SLC25A48: variants seen among roughly 807,000 people sequenced by gnomAD.
SLC25A48 encodes CTC-321K16.1.
Under a neutral mutation model 32.2 loss-of-function variants are expected in SLC25A48, and 29 were observed. That is an observed-to-expected ratio of 0.90 (90% CI 0.67 to 1.23). SLC25A48 has a LOEUF of 1.23. Among genes scored for constraint, SLC25A48 ranks in the 50% most tolerant of loss-of-function variants. The pLI, the probability that SLC25A48 is intolerant of heterozygous loss-of-function variation, is 0.00. For missense variants in SLC25A48, 399 were observed against 422.7 expected (o/e 0.94, Z 0.49); for synonymous variants, 164 against 172.3 (o/e 0.95, Z 0.38).
At chr5:135,622,483 TG>T (rs1752346870) in intron 1 of SLC25A48, among the ~76,000 whole-genome samples, 1 of 152,240 alleles carries the variant, frequency 6.6e-6, no homozygotes, top group African/African-American at 2.4e-5. Flanking sequence ...GAATACTCTG[TG>T]GTCATTAGAA....
At chr5:135,832,298 T>A (rs564305333), upstream of SLC25A48, among the ~76,000 whole-genome samples, 1 of 151,818 alleles carries the variant, frequency 6.6e-6, no homozygotes, top group South Asian at 2.1e-4. Flanking sequence ...GGGAAGAAGA[T>A]GAGAAGAGCT....
intron 1 of SLC25A48, among the ~76,000 whole-genome samples, chr5:135,619,256 T>G (rs1331350631): frequency 1.3e-5 from 2 of 151,996 alleles, no homozygotes; most frequent in Non-Finnish European, 2.9e-5. Context: ...CTTCATGTTC[T>G]GAGTTTCTTT....
chr5:135,709,478 T>C (rs1213172317), intron 3 of SLC25A48, among the ~76,000 whole-genome samples: 1 of 152,192 alleles, frequency 6.6e-6, no homozygotes, highest in East Asian at 1.9e-4. Flanking sequence ...TCTAAATTCT[T>C]ACACCCCACC....
At chr5:135,647,933 G>C (rs1001697711) in intron 3 of SLC25A48, among the ~76,000 whole-genome samples, 5 of 152,116 alleles carry the variant, frequency 3.3e-5, no homozygotes, top group Admixed American at 2.0e-4. Context: ...CCTTGGGCCT[G>C]TGGTTGTAGA....
intron 3 of SLC25A48, among the ~76,000 whole-genome samples, chr5:135,651,725 T>C (rs1753118699): frequency 6.6e-6 from 1 of 152,368 alleles, no homozygotes; most frequent in Non-Finnish European, 1.5e-5. Flanking sequence ...GTGGTTTCTT[T>C]GTCCTCATTG....
chr5:135,787,819 A>G (rs1477308235), intron 3 of SLC25A48, among the ~76,000 whole-genome samples: 1 of 142,326 alleles, frequency 7.0e-6, no homozygotes, highest in Non-Finnish European at 1.6e-5. Context: ...CAGCTGGTGT[A>G]CATTTTTTGA....
intron 3 of SLC25A48, among the ~76,000 whole-genome samples, chr5:135,749,399 A>G (rs984658666): frequency 6.6e-6 from 1 of 151,116 alleles, no homozygotes; most frequent in African/African-American, 2.4e-5. Context: ...GGAATTTTCC[A>G]TCCCTAGTAT....
chr5:135,794,478 A>G (rs1271416517), intron 3 of SLC25A48, among the ~76,000 whole-genome samples: 5 of 151,850 alleles, frequency 3.3e-5, no homozygotes, highest in African/African-American at 1.2e-4. Context: ...AGAGGATAAT[A>G]TTACTTTCAG....
intron 3 of SLC25A48, among the ~76,000 whole-genome samples, chr5:135,693,309 G>A (rs1375276201): frequency 1.3e-5 from 2 of 152,202 alleles, no homozygotes; most frequent in African/African-American, 4.8e-5. Flanking sequence ...AGTGAATTTT[G>A]CATGAGGTCA....
intron 3 of SLC25A48, among the ~76,000 whole-genome samples, chr5:135,807,857 A>T (rs910921567): frequency 1.3e-5 from 2 of 150,416 alleles, no homozygotes; most frequent in African/African-American, 4.8e-5. Context: ...GATATTATAA[A>T]TATCATAGAT....
intron 1 of SLC25A48, among the ~76,000 whole-genome samples, chr5:135,838,799 T>G (rs113073603): frequency 6.6e-6 from 1 of 152,112 alleles, no homozygotes; most frequent in Non-Finnish European, 1.5e-5. Flanking sequence ...TTTCAGAGGA[T>G]GTATGAAAAT....
chr5:135,728,125 G>A (rs760538908), intron 3 of SLC25A48, among the ~76,000 whole-genome samples: 1 of 151,900 alleles, frequency 6.6e-6, no homozygotes, highest in Non-Finnish European at 1.5e-5. Context: ...GCATGGTGGT[G>A]GGCGCCTGTA....
chr5:135,852,878 T>G, intron 4 of SLC25A48, 57 bp downstream of exon 4: 1 of 1,555,960 alleles, frequency 6.4e-7, no homozygotes, highest in Non-Finnish European at 8.7e-7. Flanking sequence ...TTTCCTGGTT[T>G]GTGGGATCTG....
chr5:135,814,416 GA>G (rs1437560574), intron 4 of SLC25A48, among the ~76,000 whole-genome samples: 5 of 152,166 alleles, frequency 3.3e-5, no homozygotes, highest in Admixed American at 3.3e-4. Flanking sequence ...GTGTTCCTGG[GA>G]TCATGTGTCC....
At chr5:135,613,717 C>G (rs1161225104) in intron 1 of SLC25A48, among the ~76,000 whole-genome samples, 1 of 152,112 alleles carries the variant, frequency 6.6e-6, no homozygotes, top group Non-Finnish European at 1.5e-5. Flanking sequence ...CCAGTGTATG[C>G]CCTTGGCACC....
At chr5:135,877,824 T>C (rs763271642) in intron 6 of SLC25A48, among the ~76,000 whole-genome samples, 14 of 151,766 alleles carry the variant, frequency 9.2e-5, no homozygotes, top group Admixed American at 3.9e-4. Flanking sequence ...CACCTGGGGG[T>C]GGCCATGGGG....
At chr5:135,844,466 G>C (rs975071014) in intron 2 of SLC25A48, among the ~76,000 whole-genome samples, 3 of 152,148 alleles carry the variant, frequency 2.0e-5, no homozygotes, top group African/African-American at 4.8e-5. Context: ...ATGGATCAGT[G>C]GGGAGGCAGC....
At chr5:135,778,708 A>G (rs557374782) in intron 3 of SLC25A48, among the ~76,000 whole-genome samples, 11 of 24,770 alleles carry the variant, frequency 4.4e-4, no homozygotes, top group African/African-American at 1.7e-3. Context: ...TATTTTTCTT[A>G]ATATTCAAAG....
At chr5:135,632,297 A>T (rs763505837) in intron 2 of SLC25A48, among the ~76,000 whole-genome samples, 8 of 152,230 alleles carry the variant, frequency 5.3e-5, no homozygotes, top group Non-Finnish European at 1.0e-4. Context: ...TCAGGCTTCC[A>T]TGTGGAGGAT....
Sources: gnomAD v4.1 joint callset for allele counts (sites outside exome capture counted in the v4.1 genomes callset) on GRCh38, gnomAD v4.1.1 for gene constraint, MANE v1.5 for transcripts, NCBI Gene and HGNC (gene_info 2026-07-23, HGNC 2026-07-21) for gene names.